ASTN2: variants seen among roughly 807,000 people sequenced by gnomAD.
ASTN2 encodes astrotactin-2.
A neutral mutation model predicts 139.8 loss-of-function variants in ASTN2; 54 were observed. The observed-to-expected ratio is 0.39, with a 90% CI of 0.31 to 0.48. ASTN2 has a LOEUF of 0.48. Ranked by LOEUF, ASTN2 falls within the 20% of genes least tolerant of loss-of-function variation. The pLI is 0.95. For missense variants in ASTN2, 1,565 were observed against 1,725.1 expected, an observed-to-expected ratio of 0.91 and a Z score of 1.64; for synonymous variants, 756 against 719.5, an observed-to-expected ratio of 1.05 and a Z score of -0.81.
chr9:117,072,458 G>A (rs1828161030), intron 5 of ASTN2, among the ~76,000 whole-genome samples: 1 of 152,226 alleles, frequency 6.6e-6, no homozygotes, highest in South Asian at 2.1e-4. Context: ...ACATCTTGCA[G>A]TCTGGCACTA....
chr9:117,033,729 C>T (rs1838309962), intron 6 of ASTN2, among the ~76,000 whole-genome samples: 1 of 152,066 alleles, frequency 6.6e-6, no homozygotes, highest in African/African-American at 2.4e-5. Flanking sequence ...ACTGGGGGCT[C>T]AGGTAGGCTT....
chr9:116,718,972 G>GTATATATATATA lies in ASTN2; in HGVS notation c.2806+6798_2806+6799insTATATATATATA, dbSNP rs373217069. Among the ~76,000 whole-genome samples the GTATATATATATA allele has an allele frequency of 2.1e-3, 214 of 99,996 alleles. 19 individuals carry two copies. Among genetic ancestry groups the GTATATATATATA allele is most frequent in the African/African-American group, 6.5e-3 (169 of 26,012 alleles). 65.6% of individuals were successfully genotyped at this position (99,996 alleles called of 152,430 possible). A position where few individuals can be genotyped will look rare whatever the true frequency, so the allele number is the denominator to read the frequency against. ...TATTTACATATCTATACCTGTATCT[G>GTATATATATATA]TACATATATATATATATATCTGCCT... On this transcript the variant is annotated intron_variant, in intron 16 of 22. Coordinates refer to ENST00000313400, the MANE Select transcript of ASTN2 (RefSeq NM_001365068.1).
chr9:116,947,706 C>T (rs1835436995), intron 10 of ASTN2, among the ~76,000 whole-genome samples: 1 of 152,162 alleles, frequency 6.6e-6, no homozygotes, highest in South Asian at 2.1e-4. Context: ...GAGTAAGTTG[C>T]CAACCAGATG....
At chr9:117,349,184 C>A (rs1302116920) in intron 1 of ASTN2, among the ~76,000 whole-genome samples, 1 of 152,128 alleles carries the variant, frequency 6.6e-6, no homozygotes, top group Admixed American at 6.5e-5. Flanking sequence ...GCTGCCGGGG[C>A]GGGTGAAGGC....
chr9:117,379,946 A>G (rs1006168391), intron 1 of ASTN2, among the ~76,000 whole-genome samples: 6 of 152,300 alleles, frequency 3.9e-5, no homozygotes, highest in African/African-American at 1.4e-4. Context: ...ATAGTACTTT[A>G]CAAAGATCAA....
At chr9:116,924,413 G>C (rs1466647700) in intron 10 of ASTN2, among the ~76,000 whole-genome samples, 1 of 128,912 alleles carries the variant, frequency 7.8e-6, no homozygotes, top group Non-Finnish European at 1.6e-5. Flanking sequence ...CTGGGTGACA[G>C]AGCAAGACTT....
chr9:116,600,357 A>G (rs532714734), intron 19 of ASTN2, among the ~76,000 whole-genome samples: 30 of 151,656 alleles, frequency 2.0e-4, no homozygotes, highest in Non-Finnish European at 3.7e-4. Context: ...AGAAAGAAAG[A>G]AAGAAAGAAA....
At chr9:117,161,412 A>G (rs1479627905) in intron 3 of ASTN2, among the ~76,000 whole-genome samples, 1 of 151,824 alleles carries the variant, frequency 6.6e-6, no homozygotes, top group Non-Finnish European at 1.5e-5. Flanking sequence ...TCTTTTTTGC[A>G]AGACAGGGTC....
intron 16 of ASTN2, 50 bp from the exon 17 acceptor site, chr9:116,651,843 A>G (rs1445140106): frequency 6.3e-7 from 1 of 1,588,524 alleles, no homozygotes; most frequent in East Asian, 2.3e-5. Flanking sequence ...AGGATTATTC[A>G]AAAGGCCAGA....
chr9:116,622,463 A>G (rs1381597026), intron 17 of ASTN2, among the ~76,000 whole-genome samples: 1 of 152,234 alleles, frequency 6.6e-6, no homozygotes, highest in Non-Finnish European at 1.5e-5. Context: ...TGGTACTGTA[A>G]GTGCATTAAA....
intron 16 of ASTN2, among the ~76,000 whole-genome samples, chr9:116,689,115 G>T (rs778148713): frequency 1.3e-5 from 2 of 152,022 alleles, no homozygotes; most frequent in African/African-American, 4.8e-5. Context: ...CTTCCCCCCC[G>T]CAGTAAGGAA....
intron 10 of ASTN2, among the ~76,000 whole-genome samples, chr9:116,949,988 TATTTTGGTGGTGATTGTTATTTCAGTATC>T (rs1835512680): frequency 1.3e-5 from 2 of 152,124 alleles, no homozygotes; most frequent in South Asian, 4.1e-4. Context: ...TTTTTTTTCT[TATTTTGGTGGTGATTGTTATTTCAGTATC>T]AGTTATGAGT....
chr9:116,861,978 T>C (rs904055085), intron 11 of ASTN2, among the ~76,000 whole-genome samples: 4 of 150,294 alleles, frequency 2.7e-5, no homozygotes, highest in Admixed American at 6.6e-5. Context: ...TTCTTCTTTT[T>C]TTTTTTTTTT....
chr9:117,035,890 C>T (rs1310532813), intron 6 of ASTN2, among the ~76,000 whole-genome samples: 1 of 152,130 alleles, frequency 6.6e-6, no homozygotes, highest in African/African-American at 2.4e-5. Context: ...TTTCCATTCA[C>T]CTCACTGAGA....
intron 19 of ASTN2, among the ~76,000 whole-genome samples, chr9:116,568,240 A>T (rs1044952140): frequency 6.6e-6 from 1 of 152,240 alleles, no homozygotes; most frequent in African/African-American, 2.4e-5. Flanking sequence ...TAGCAGGTAG[A>T]AAACCTTCCT....
chr9:116,675,073 G>C (rs115719814), intron 16 of ASTN2, among the ~76,000 whole-genome samples: 6,383 of 152,152 alleles, frequency 0.042, 468 homozygotes, highest in African/African-American at 0.15. Flanking sequence ...TGCCCTTGTG[G>C]CTACCTGCTC....
At chr9:117,194,718 T>C (rs777717733) in intron 3 of ASTN2, among the ~76,000 whole-genome samples, 3 of 152,248 alleles carry the variant, frequency 2.0e-5, no homozygotes, top group Non-Finnish European at 2.9e-5. Flanking sequence ...CAGCACATGC[T>C]TGGACTTGGG....
chr9:116,603,809 C>T (rs777940947), intron 19 of ASTN2, among the ~76,000 whole-genome samples: 2 of 152,110 alleles, frequency 1.3e-5, no homozygotes, highest in Admixed American at 6.5e-5. Context: ...GCGTCTCTAA[C>T]GGGAAGCTGC....
chr9:117,240,638 C>A (rs1833177215), intron 2 of ASTN2, among the ~76,000 whole-genome samples: 2 of 152,256 alleles, frequency 1.3e-5, no homozygotes, highest in East Asian at 3.9e-4. Context: ...ACTGGAGCTA[C>A]CCCATAGATA....
Sources: gnomAD v4.1 joint callset for allele counts (sites outside exome capture counted in the v4.1 genomes callset) on GRCh38, gnomAD v4.1.1 for gene constraint, MANE v1.5 for transcripts, NCBI Gene and HGNC (gene_info 2026-07-23, HGNC 2026-07-21) for gene names.